Variants in DAPK1 observed in about 807,000 individuals in gnomAD.
The protein encoded by DAPK1 is death-associated protein kinase 1.
A neutral mutation model predicts 144.9 loss-of-function variants in DAPK1; 56 were observed. The observed-to-expected ratio is 0.39, with a 90% CI of 0.31 to 0.48. The LOEUF is 0.48. DAPK1 is among the 20% of genes least tolerant of loss of function. DAPK1 has a pLI of 0.95. For synonymous variants in DAPK1, 690 were observed against 749.0 expected, an observed-to-expected ratio of 0.92 and a Z score of 1.29; for missense variants, 1,454 against 1,875.4, an observed-to-expected ratio of 0.78 and a Z score of 4.15.
chr9:87,575,244 A>T (rs991438197), intron 2 of DAPK1, among the ~76,000 whole-genome samples: 1 of 77,670 alleles, frequency 1.3e-5, no homozygotes, highest in Non-Finnish European at 2.5e-5. Flanking sequence ...AATAAAATAA[A>T]ATAAAATAAA....
intron 2 of DAPK1, among the ~76,000 whole-genome samples, chr9:87,604,127 G>T (rs930417307): frequency 6.6e-6 from 1 of 152,162 alleles, no homozygotes; most frequent in African/African-American, 2.4e-5. Flanking sequence ...TTCAAACTAA[G>T]AGTGGCTCTC....
At position 87,707,142 on chromosome 9, in the gene DAPK1, C is replaced by T. The variant is rs772698077; in HGVS notation, c.4071C>T (p.Pro1357=). 4 of 1,613,618 alleles carry T rather than the reference C, an allele frequency of 2.5e-6. No homozygotes were observed. Among genetic ancestry groups the T allele is most frequent in the Non-Finnish European group, 3.4e-6 (4 of 1,179,664 alleles). ...NGAPKDFLPS[P]LHALLREWTT... ...CTCCCAAGGATTTCCTCCCCAGCCC[C>T]CTCCACGCCCTGCTGCGGGAATGGA... Residue 1357 remains proline (P), a synonymous_variant, in exon 26 of 26, where the codon CCC becomes CCT. Coordinates refer to ENST00000408954, the MANE Select transcript of DAPK1 (RefSeq NM_004938.4). This position sits in a 1 kb window ranked among gnomAD's most constrained non-coding sequence, Gnocchi z 4.0.
chr9:87,526,760 G>A (rs548829184), intron 2 of DAPK1, among the ~76,000 whole-genome samples: 2 of 152,180 alleles, frequency 1.3e-5, no homozygotes, highest in East Asian at 1.9e-4. Flanking sequence ...TGGTGGTGTC[G>A]CCGTGCCCAA....
chr9:87,677,866 A>G (rs1308921056), intron 19 of DAPK1, among the ~76,000 whole-genome samples: 2 of 152,194 alleles, frequency 1.3e-5, no homozygotes, highest in African/African-American at 2.4e-5. Flanking sequence ...GAATTGCTCC[A>G]GGGTCGGTGG....
intron 2 of DAPK1, among the ~76,000 whole-genome samples, chr9:87,522,586 A>G (rs1165499821): frequency 1.3e-5 from 2 of 152,122 alleles, no homozygotes; most frequent in Non-Finnish European, 1.5e-5. Context: ...TAATTTTTCT[A>G]TTATAAGCAA....
At chr9:87,537,376 G>C (rs1027894564) in intron 2 of DAPK1, among the ~76,000 whole-genome samples, 3 of 152,148 alleles carry the variant, frequency 2.0e-5, no homozygotes, top group Non-Finnish European at 4.4e-5. Context: ...AGCTCTGCTT[G>C]ATGGGCTGGG....
intron 21 of DAPK1, among the ~76,000 whole-genome samples, chr9:87,692,790 C>T (rs530114592): frequency 2.0e-4 from 31 of 152,028 alleles, no homozygotes; most frequent in African/African-American, 7.5e-4. Context: ...CTTTATTTCT[C>T]CTTCACTTAT....
chr9:87,701,335 A>G (rs1825444328), intron 24 of DAPK1, among the ~76,000 whole-genome samples: 1 of 152,226 alleles, frequency 6.6e-6, no homozygotes, highest in Admixed American at 6.5e-5. Flanking sequence ...AAATACCTTG[A>G]ATAGAAATTG....
intron 2 of DAPK1, among the ~76,000 whole-genome samples, chr9:87,537,985 G>T (rs1292387022): frequency 6.6e-6 from 1 of 152,140 alleles, no homozygotes; most frequent in African/African-American, 2.4e-5. Context: ...TGTTTTACGG[G>T]CCCAAAATGC....
At chr9:87,692,227 T>G (rs1010845489) in intron 21 of DAPK1, among the ~76,000 whole-genome samples, 1 of 131,596 alleles carries the variant, frequency 7.6e-6, no homozygotes, top group Non-Finnish European at 1.6e-5. Context: ...CCTTTTGCAT[T>G]ATATAATGAC....
At chr9:87,668,792 AC>A (rs758864682) in intron 19 of DAPK1, 118 bp downstream of exon 19, 3 of 749,390 alleles carry the variant, frequency 4.0e-6, no homozygotes, top group Non-Finnish European at 7.2e-6. Context: ...GGTTTTAGGA[AC>A]AGTGGTCCCT....
chr9:87,611,811 C>T (rs907178227), intron 3 of DAPK1, among the ~76,000 whole-genome samples: 1 of 152,122 alleles, frequency 6.6e-6, no homozygotes, highest in African/African-American at 2.4e-5. Context: ...CCATTTTTAA[C>T]AGATTCCCGG....
intron 3 of DAPK1, among the ~76,000 whole-genome samples, chr9:87,606,455 TCCTTCCTCTCTCTCTTTC>T (rs1828717573): frequency 7.5e-6 from 1 of 134,028 alleles, no homozygotes. Context: ...CTCCCTCCCT[TCCTTCCTCTCTCTCTTTC>T]CCTTCCTTCC....
chr9:87,572,181 T>G (rs1827386545), intron 2 of DAPK1, among the ~76,000 whole-genome samples: 1 of 152,358 alleles, frequency 6.6e-6, no homozygotes, highest in South Asian at 2.1e-4. Context: ...AAAACAAAGC[T>G]GGCATTCATT....
chr9:87,651,516 T>C lies in DAPK1; in HGVS notation c.1627-11T>C, dbSNP rs1399267891. 6.2e-7 allele frequency: 1 copy of C among 1,613,794 alleles called. No homozygotes were observed. Among genetic ancestry groups the C allele is most frequent in the South Asian group, 1.1e-5 (1 of 91,064 alleles). On this transcript the variant is annotated splice_polypyrimidine_tract_variant and intron_variant, in intron 16 of 25. Coordinates refer to ENST00000408954, the MANE Select transcript of DAPK1 (RefSeq NM_004938.4). The stretch of plus-strand genomic sequence containing the variant: ...TGAAAAGCTCTCATGATCTCTGGGG[T>C]TTGTTTCCAGGACGGACACATTGCC...
In DAPK1 at chr9:87,643,236, G is replaced by A. The variant is rs1019106831; in HGVS notation, c.919-140G>A. 11 of 582,590 alleles carry A rather than the reference G, an allele frequency of 1.9e-5. No homozygotes were observed. The Admixed American group carries it at 2.2e-4, about 11-fold the overall frequency. 36.1% of individuals were successfully genotyped at this position (582,590 alleles called of 1,614,324 possible). A position where few individuals can be genotyped will look rare whatever the true frequency, so the allele number is the denominator to read the frequency against. On this transcript the variant is annotated intron_variant, in intron 10 of 25. Transcript: ENST00000408954. ...GATTGCCCACCCTGGGAGAGTGTGT[G>A]CTGATAGCAATGAACACGATCTCGC... is the stretch of plus-strand genomic sequence containing the variant.
At chr9:87,531,615 T>C (rs570715848) in intron 2 of DAPK1, among the ~76,000 whole-genome samples, 1 of 152,250 alleles carries the variant, frequency 6.6e-6, no homozygotes, top group African/African-American at 2.4e-5. Context: ...TTCAGTGTAA[T>C]GTTGAGAAAA....
In DAPK1 at chr9:87,663,199, C is replaced by T. The variant is rs569127671; in HGVS notation, c.1923+5072C>T. Among the ~76,000 whole-genome samples, 4 of 152,256 alleles carry T rather than the reference C, an allele frequency of 2.6e-5. No homozygotes were observed. In the South Asian group the frequency reaches 6.2e-4, roughly 24 times the overall value. On this transcript the variant is annotated intron_variant, in intron 18 of 25. Coordinates refer to ENST00000408954, the MANE Select transcript of DAPK1 (RefSeq NM_004938.4). ...CTCCACTGTCTTGCCTTCCGTTCCA[C>T]GTAACCCTCAGCAGAGTCCCCACTC... is the stretch of plus-strand genomic sequence containing the variant.
At chr9:87,590,992 C>T (rs905306023) in intron 2 of DAPK1, among the ~76,000 whole-genome samples, 6 of 152,210 alleles carry the variant, frequency 3.9e-5, no homozygotes, top group Non-Finnish European at 8.8e-5. Context: ...CTGCGTTATC[C>T]TTTCAAGGGC....
Sources: gnomAD v4.1 joint callset for allele counts (sites outside exome capture counted in the v4.1 genomes callset) on GRCh38, gnomAD v4.1.1 for gene constraint, Gnocchi (gnomAD v3.1) non-coding constraint, MANE v1.5 for transcripts, NCBI Gene and HGNC (gene_info 2026-07-23, HGNC 2026-07-21) for gene names.